Variants in SOX5 observed in about 807,000 individuals in gnomAD.
SOX5 encodes the protein SRY-box transcription factor 5.
In SOX5, 9 loss-of-function variants were observed where a neutral mutation model predicts 92.0. The ratio of observed to expected loss-of-function variants is 0.10; its 90% CI spans 0.06 to 0.17. The LOEUF (loss-of-function observed/expected upper bound fraction) is 0.17, where lower values mean the gene tolerates loss of function less well. SOX5 is among the 10% of genes least tolerant of loss of function. The pLI is 1.00. For synonymous variants in SOX5, 344 were observed against 336.3 expected (o/e 1.02, Z -0.25); for missense variants, 642 against 944.5 (o/e 0.68, Z 4.20).
chr12:24,197,122 A>G lies in SOX5; in HGVS notation c.-2+16221T>C, dbSNP rs983521003. Reference sequence around the variant, plus strand: ...TATCCTCATAACTAACTGTTTGTCAATTAGCATTTTGGAAGGCAGAAAGAA... The same window carrying G: ...TATCCTCATAACTAACTGTTTGTCAGTTAGCATTTTGGAAGGCAGAAAGAA... On this transcript the variant is annotated intron_variant, in intron 4 of 4. Transcript: ENST00000446891. Among the ~76,000 whole-genome samples, 13 of 152,208 alleles carry G rather than the reference A, an allele frequency of 8.5e-5. 1 individual carries two copies. The highest frequency in any genetic ancestry group is 3.1e-4 in the African/African-American group (13 of 41,450).
At chr12:24,231,381 T>C (rs533417993) in intron 3 of SOX5, among the ~76,000 whole-genome samples, 2 of 152,312 alleles carry the variant, frequency 1.3e-5, no homozygotes, top group African/African-American at 4.8e-5. Flanking sequence ...CTATCTAATA[T>C]GAACGGTTTA....
chr12:23,869,488 C>A (rs1214544382), intron 2 of SOX5, among the ~76,000 whole-genome samples: 1 of 152,136 alleles, frequency 6.6e-6, no homozygotes, highest in East Asian at 1.9e-4. Context: ...TCTACCCTTT[C>A]ACTGAAACCC....
chr12:23,948,586 C>T (rs945839561), intron 1 of SOX5, among the ~76,000 whole-genome samples: 1 of 151,454 alleles, frequency 6.6e-6, no homozygotes, highest in Non-Finnish European at 1.5e-5. Context: ...ATCATGCATC[C>T]TGGCTTTTTT....
At chr12:24,547,421 G>A (rs1489415347) in intron 1 of SOX5, among the ~76,000 whole-genome samples, 4 of 151,732 alleles carry the variant, frequency 2.6e-5, no homozygotes, top group Non-Finnish European at 2.9e-5. Context: ...TCGATCTCCT[G>A]ACCTCATGAT....
At chr12:24,354,741 G>T (rs1954583519) in intron 2 of SOX5, among the ~76,000 whole-genome samples, 1 of 152,168 alleles carries the variant, frequency 6.6e-6, no homozygotes, top group Admixed American at 6.5e-5. Context: ...ATGTCTGGTC[G>T]TATCATTTGT....
intron 2 of SOX5, among the ~76,000 whole-genome samples, chr12:24,365,865 G>A (rs1164898411): frequency 6.6e-6 from 1 of 151,712 alleles, no homozygotes; most frequent in Admixed American, 6.6e-5. Context: ...ACAAATACTA[G>A]CAAAGAAGCA....
At chr12:23,625,881 A>C (rs537343438) in intron 8 of SOX5, among the ~76,000 whole-genome samples, 1 of 152,198 alleles carries the variant, frequency 6.6e-6, no homozygotes, top group Admixed American at 6.5e-5. Flanking sequence ...TGTTGGGATT[A>C]CAGGCATGAG....
chr12:23,702,002 G>A (rs1055570641), intron 6 of SOX5, among the ~76,000 whole-genome samples: 2 of 152,012 alleles, frequency 1.3e-5, no homozygotes, highest in Non-Finnish European at 2.9e-5. Context: ...GCAAAATGTC[G>A]ATGCTAGGGC....
chr12:23,841,696 G>A (rs1363238606), intron 3 of SOX5, among the ~76,000 whole-genome samples: 3 of 152,050 alleles, frequency 2.0e-5, no homozygotes, highest in African/African-American at 7.2e-5. Flanking sequence ...GTCTGAAAAA[G>A]CCCCATGCTG....
intron 4 of SOX5, among the ~76,000 whole-genome samples, chr12:24,090,200 AC>A (rs1944473952): frequency 6.6e-6 from 1 of 152,176 alleles, no homozygotes; most frequent in African/African-American, 2.4e-5. Flanking sequence ...CTTTTCATTT[AC>A]TTAGATCTTG....
At chr12:24,044,130 A>G (rs1051151629) in intron 4 of SOX5, among the ~76,000 whole-genome samples, 1 of 152,244 alleles carries the variant, frequency 6.6e-6, no homozygotes, top group South Asian at 2.1e-4. Flanking sequence ...ACTACACAAC[A>G]TAAAGGTGTC....
chr12:24,009,582 A>C (rs534158889), intron 4 of SOX5, among the ~76,000 whole-genome samples: 1 of 152,220 alleles, frequency 6.6e-6, no homozygotes, highest in East Asian at 1.9e-4. Context: ...GCTCTATTTC[A>C]GCAGATTTTC....
At chr12:23,622,736 C>T (rs1177084125) in intron 8 of SOX5, among the ~76,000 whole-genome samples, 1 of 152,048 alleles carries the variant, frequency 6.6e-6, no homozygotes, top group African/African-American at 2.4e-5. Context: ...TACTTAAATA[C>T]TATGCTATAC....
chr12:24,449,229 C>G (rs960218966), intron 1 of SOX5, among the ~76,000 whole-genome samples: 3 of 151,944 alleles, frequency 2.0e-5, no homozygotes, highest in African/African-American at 4.8e-5. Context: ...AGCACACTTA[C>G]AAAAAAAATT....
intron 1 of SOX5, among the ~76,000 whole-genome samples, chr12:23,923,476 T>G (rs1165624246): frequency 1.3e-5 from 2 of 152,212 alleles, no homozygotes; most frequent in African/African-American, 4.8e-5. Context: ...TAAGTTCCGA[T>G]TATTTAATAA....
At chr12:24,131,161 G>A (rs1433666493) in intron 4 of SOX5, among the ~76,000 whole-genome samples, 2 of 152,162 alleles carry the variant, frequency 1.3e-5, no homozygotes, top group Non-Finnish European at 2.9e-5. Flanking sequence ...TAGAGGTGAA[G>A]ATAGTAAACC....
chr12:23,868,350 A>C (rs1353443465), intron 2 of SOX5, among the ~76,000 whole-genome samples: 1 of 152,102 alleles, frequency 6.6e-6, no homozygotes, highest in Non-Finnish European at 1.5e-5. Context: ...TGGCCTGGGA[A>C]GAATAAACAA....
chr12:24,482,450 T>C (rs1946092186), intron 1 of SOX5, among the ~76,000 whole-genome samples: 1 of 152,188 alleles, frequency 6.6e-6, no homozygotes, highest in Admixed American at 6.5e-5. Flanking sequence ...GAAATGGCGT[T>C]TTCCCCACTA....
chr12:24,087,976 T>C (rs1944211231), intron 4 of SOX5, among the ~76,000 whole-genome samples: 1 of 152,036 alleles, frequency 6.6e-6, no homozygotes, highest in Non-Finnish European at 1.5e-5. Context: ...TCAACATTCT[T>C]CCAACTAGTG....
Sources: gnomAD v4.1 joint callset for allele counts (sites outside exome capture counted in the v4.1 genomes callset) on GRCh38, gnomAD v4.1.1 for gene constraint, MANE v1.5 for transcripts, NCBI Gene and HGNC (gene_info 2026-07-23, HGNC 2026-07-21) for gene names.